OPCML: variants seen among roughly 807,000 people sequenced by gnomAD.
OPCML encodes opioid-binding protein/cell adhesion molecule.
A neutral mutation model predicts 37.8 loss-of-function variants in OPCML; 13 were observed. The ratio of observed to expected loss-of-function variants is 0.34; its 90% CI spans 0.22 to 0.55. OPCML has a LOEUF of 0.55. OPCML is among the 20% of genes least tolerant of loss of function. The pLI, the probability that OPCML is intolerant of heterozygous loss-of-function variation, is 0.91. For missense variants in OPCML, 341 were observed against 435.6 expected (o/e 0.78, Z 1.93); for synonymous variants, 176 against 168.8 (o/e 1.04, Z -0.33).
intron 2 of OPCML, among the ~76,000 whole-genome samples, chr11:132,721,764 T>C (rs1944677387): frequency 6.6e-6 from 1 of 151,800 alleles, no homozygotes; most frequent in Non-Finnish European, 1.5e-5. Flanking sequence ...GAAGACTGAA[T>C]AGGAAAATAA....
chr11:132,511,077 T>C (rs1449849959), intron 4 of OPCML, among the ~76,000 whole-genome samples: 2 of 152,220 alleles, frequency 1.3e-5, no homozygotes, highest in South Asian at 2.1e-4. Flanking sequence ...AAATCTTAAG[T>C]ATCTAAAAAA....
At chr11:132,722,663 T>C (rs538078561) in intron 2 of OPCML, among the ~76,000 whole-genome samples, 9 of 152,214 alleles carry the variant, frequency 5.9e-5, no homozygotes, top group Non-Finnish European at 1.3e-4. Context: ...GGTAGCTATC[T>C]ATCATGTCTC....
At chr11:132,970,394 CA>C (rs560252996) in intron 1 of OPCML, among the ~76,000 whole-genome samples, 1 of 151,970 alleles carries the variant, frequency 6.6e-6, no homozygotes, top group Admixed American at 6.6e-5. Context: ...AATATTAGGA[CA>C]AAAAAACCCC....
intron 3 of OPCML, among the ~76,000 whole-genome samples, chr11:132,580,723 G>A (rs529126006): frequency 2.6e-5 from 4 of 152,184 alleles, no homozygotes; most frequent in African/African-American, 9.6e-5. Flanking sequence ...TACACCTATG[G>A]TTCTATCCGG....
chr11:132,852,280 T>C (rs951032922), intron 2 of OPCML, among the ~76,000 whole-genome samples: 6 of 152,028 alleles, frequency 3.9e-5, no homozygotes, highest in African/African-American at 7.2e-5. Flanking sequence ...ACTGAAAAAA[T>C]TTTGTATGCT....
At chr11:132,424,578 T>TC (rs2095971762) in intron 7 of OPCML, among the ~76,000 whole-genome samples, 1 of 152,080 alleles carries the variant, frequency 6.6e-6, no homozygotes, top group African/African-American at 2.4e-5. Context: ...CTCTCTACGC[T>TC]CCCCCGGGGT....
intron 1 of OPCML, among the ~76,000 whole-genome samples, chr11:133,419,990 C>T (rs891098026): frequency 6.6e-6 from 1 of 152,126 alleles, no homozygotes; most frequent in Non-Finnish European, 1.5e-5. Flanking sequence ...TACACTTGTT[C>T]ATCATAAATT....
At chr11:132,633,944 A>G (rs1227998920) in intron 3 of OPCML, among the ~76,000 whole-genome samples, 1 of 152,186 alleles carries the variant, frequency 6.6e-6, no homozygotes, top group African/African-American at 2.4e-5. Flanking sequence ...GAGAGCCTCA[A>G]GGCCCAGGTT....
intron 1 of OPCML, among the ~76,000 whole-genome samples, chr11:133,268,417 C>G (rs1399835788): frequency 6.6e-6 from 1 of 152,142 alleles, no homozygotes; most frequent in African/African-American, 2.4e-5. Context: ...TCTGAGTCTA[C>G]TTTATGAGGA....
At chr11:133,277,515 C>A (rs561615628) in intron 1 of OPCML, among the ~76,000 whole-genome samples, 32 of 152,262 alleles carry the variant, frequency 2.1e-4, no homozygotes, top group African/African-American at 7.7e-4. Flanking sequence ...TGCTGCAACA[C>A]CACTGTTGCT....
rs1434017032 is a variant in OPCML, at chr11:133,417,256, CAAA to C, written c.61+115005_61+115007del. Among the ~76,000 whole-genome samples the C allele has an allele frequency of 2.6e-5, 4 of 152,152 alleles. No individual in the cohort carries two copies. The South Asian group carries it at 8.3e-4, about 31-fold the overall frequency. On this transcript the variant is annotated intron_variant, in intron 1 of 7. Transcript: ENST00000524381. Reference sequence around the variant, plus strand: ...ATCCCTGATTCATAGAAGTGCAGGTCAAAACCTGGTGCTGCAATTGGCATGTGT... The same window carrying C: ...ATCCCTGATTCATAGAAGTGCAGGTCACCTGGTGCTGCAATTGGCATGTGT...
chr11:132,417,920 G>A lies in OPCML; in HGVS notation c.*2273C>T, dbSNP rs2095944058. 6.6e-6 allele frequency: 1 copy of A among 152,194 alleles called. No homozygotes were observed. Among genetic ancestry groups the A allele is most frequent in the Non-Finnish European group, 1.5e-5 (1 of 68,042 alleles). The allele number at this position is 152,194 out of a possible 1,614,324, so 9.4% of individuals were successfully genotyped here. On this transcript the variant is annotated 3_prime_UTR_variant, in exon 8 of 8. Coordinates refer to ENST00000524381, the MANE Select transcript of OPCML (RefSeq NM_001012393.5). ...TTACGGTTCCCGAATCTGGCTCCTGGCAGCTCACTAGGAAATGCAGATGTC... is the reference window on the plus strand; with the variant it reads ...TTACGGTTCCCGAATCTGGCTCCTGACAGCTCACTAGGAAATGCAGATGTC...
intron 3 of OPCML, among the ~76,000 whole-genome samples, chr11:132,653,052 C>G (rs1300366477): frequency 2.0e-5 from 3 of 152,184 alleles, no homozygotes; most frequent in African/African-American, 4.8e-5. Flanking sequence ...TGCTGAATCT[C>G]AAATATGCCC....
intron 1 of OPCML, among the ~76,000 whole-genome samples, chr11:133,123,415 CTT>C (rs772786032): frequency 1.3e-5 from 2 of 152,152 alleles, no homozygotes; most frequent in African/African-American, 2.4e-5. Flanking sequence ...GCTGGGTAGT[CTT>C]TTTATTGTTT....
intron 2 of OPCML, among the ~76,000 whole-genome samples, chr11:132,924,661 T>C (rs542515804): frequency 6.6e-6 from 1 of 152,366 alleles, no homozygotes; most frequent in African/African-American, 2.4e-5. Context: ...TCCCCGCTAG[T>C]ATCTTCCAAA....
rs1045793110 is a variant in OPCML, at chr11:132,944,056, C to T, written c.62-1046G>A. On this transcript the variant is annotated intron_variant, in intron 1 of 7. Transcript: ENST00000524381. ...CCCGACGGGCGGGCGCCCACCTTAA[C>T]CTCCGCCGCGCCCACCGGGCTGGGG... Among the ~76,000 whole-genome samples, 16 of 151,976 alleles carry T rather than the reference C, an allele frequency of 1.1e-4. No individual in the cohort carries two copies. The East Asian group carries it at 3.1e-3, about 30-fold the overall frequency.
chr11:133,240,212 CAAA>C (rs35643678), intron 1 of OPCML, among the ~76,000 whole-genome samples: 7 of 66,050 alleles, frequency 1.1e-4, no homozygotes, highest in African/African-American at 1.7e-4. Flanking sequence ...ACACTTGGGG[CAAA>C]AAAAAAAAAA....
intron 1 of OPCML, among the ~76,000 whole-genome samples, chr11:133,131,147 C>T (rs1949597699): frequency 6.6e-6 from 1 of 152,084 alleles, no homozygotes; most frequent in Non-Finnish European, 1.5e-5. Context: ...GTCTGTGAAC[C>T]AGGAAGCAGG....
intron 1 of OPCML, among the ~76,000 whole-genome samples, chr11:133,036,257 T>C (rs1282155516): frequency 2.0e-5 from 3 of 152,212 alleles, no homozygotes; most frequent in Non-Finnish European, 4.4e-5. Flanking sequence ...GCCAATTCTT[T>C]CCCAGGATGG....
Sources: allele counts gnomAD v4.1 joint callset (sites outside exome capture counted in the v4.1 genomes callset), GRCh38; gene constraint gnomAD v4.1.1; transcripts MANE v1.5; gene names NCBI Gene and HGNC (gene_info 2026-07-23, HGNC 2026-07-21).